The following RNF207 variants were observed in gnomAD, a reference collection of about 807,000 sequenced individuals.
The protein encoded by RNF207 is ring finger protein 207.
Under a neutral mutation model 79.0 loss-of-function variants are expected in RNF207, and 72 were observed. That is an observed-to-expected ratio of 0.91 (90% CI 0.75 to 1.11). The LOEUF (loss-of-function observed/expected upper bound fraction) is 1.11, where lower values mean the gene tolerates loss of function less well. Among genes scored for constraint, RNF207 ranks in the 50% least tolerant of loss-of-function variants. The pLI, the probability that RNF207 is intolerant of heterozygous loss-of-function variation, is 0.00. For synonymous variants in RNF207, 348 were observed against 366.2 expected (o/e 0.95, Z 0.57); for missense variants, 936 against 855.8 (o/e 1.09, Z -1.17).
chr1:6,209,111 G>A lies in RNF207; in HGVS notation c.470-4G>A, dbSNP rs375224038. Reference sequence around the variant, plus strand: ...GCCCTCACCACCGCCCGCCGCCCCCGCAGCGCTGCACGCAGAGCCCTACCT... The same window carrying A: ...GCCCTCACCACCGCCCGCCGCCCCCACAGCGCTGCACGCAGAGCCCTACCT... On this transcript the variant is annotated splice_polypyrimidine_tract_variant and splice_region_variant and intron_variant, in intron 4 of 17. Coordinates refer to ENST00000377939, the MANE Select transcript of RNF207 (RefSeq NM_207396.3). The A allele has an allele frequency of 5.2e-6, 8 of 1,551,790 alleles. No homozygotes were observed. Among genetic ancestry groups the A allele is most frequent in the Middle Eastern group, 1.7e-4 (1 of 5,774 alleles).
At chr1:6,210,843 G>A (rs756938949) in intron 10 of RNF207, 27 bp from the exon 11 acceptor site, 37 of 1,573,826 alleles carry the variant, frequency 2.4e-5, no homozygotes, top group Admixed American at 9.3e-5. Context: ...CACCTCCACC[G>A]GCCTGAGGCC....
chr1:6,209,806 T>C, intron 7 of RNF207, 118 bp from the exon 8 acceptor site: 1 of 1,138,850 alleles, frequency 8.8e-7, no homozygotes, highest in Non-Finnish European at 1.2e-6. Flanking sequence ...GATGCAGGGC[T>C]GGTAGGTTGG....
intron 14 of RNF207, 86 bp downstream of exon 14, chr1:6,212,502 C>T (rs1668218024): frequency 7.3e-7 from 1 of 1,367,260 alleles, no homozygotes; most frequent in African/African-American, 1.4e-5. Context: ...GAAAGAGGAC[C>T]TGGCCTGTAC....
In RNF207 at chr1:6,207,345, G is replaced by T. The variant is rs1667950369; in HGVS notation, c.192-34G>T. 2.0e-6 allele frequency: 3 copies of T among 1,501,676 alleles called. No homozygotes were observed. Among genetic ancestry groups the T allele is most frequent in the Non-Finnish European group, 1.8e-6 (2 of 1,125,834 alleles). 93.0% of individuals were successfully genotyped at this position (1,501,676 alleles called of 1,614,324 possible). ...GGGGGTGGGGAGCCCTGGGGAAGGG[G>T]TATCAGAATCTCGGGGCCTGGGCTT... On this transcript the variant is annotated intron_variant, in intron 2 of 17. Coordinates refer to ENST00000377939, the MANE Select transcript of RNF207 (RefSeq NM_207396.3). The surrounding 1 kb of genome is among the most constrained non-coding windows in gnomAD (Gnocchi z 4.5).
Position 6,221,018 on chromosome 1 carries a change from C to T in RNF207, c.*1611C>T, listed in dbSNP as rs1668532990. 1 of 152,244 alleles carries T rather than the reference C, an allele frequency of 6.6e-6. No homozygotes were observed. Among genetic ancestry groups the T allele is most frequent in the African/African-American group, 2.4e-5 (1 of 41,448 alleles). The allele number at this position is 152,244 out of a possible 1,614,324, so 9.4% of individuals were successfully genotyped here. On this transcript the variant is annotated 3_prime_UTR_variant, in exon 18 of 18. Coordinates refer to ENST00000377939, the MANE Select transcript of RNF207 (RefSeq NM_207396.3). Reference sequence around the variant, plus strand: ...CTGAGGCTCCTGTTCCAAGGCCTTACAAACCTATGTGGTGGCCTGCAGGGC... The same window carrying T: ...CTGAGGCTCCTGTTCCAAGGCCTTATAAACCTATGTGGTGGCCTGCAGGGC...
intron 3 of RNF207, chr1:6,208,002 C>A (rs1417004821): frequency 6.1e-6 from 2 of 328,332 alleles, no homozygotes; most frequent in Non-Finnish European, 1.2e-5. Flanking sequence ...GGGGCAAAAG[C>A]TCCAGCGTTC....
At chr1:6,218,469 C>T in intron 17 of RNF207, 100 bp downstream of exon 17, 1 of 857,768 alleles carries the variant, frequency 1.2e-6, no homozygotes. Context: ...TTGGCGCCAG[C>T]TCTGGGGCCC....
chr1:6,214,626 C>CTTT (rs1553148919), intron 16 of RNF207, among the ~76,000 whole-genome samples: 11 of 95,612 alleles, frequency 1.2e-4, no homozygotes, highest in East Asian at 5.6e-4. Context: ...TGGAATATTT[C>CTTT]TTTCTTTTTT....
intron 4 of RNF207, 41 bp downstream of exon 4, chr1:6,209,066 C>CGGGGGGGGGGGGGGGGGGCCCG: frequency 1.6e-6 from 1 of 644,494 alleles, no homozygotes; most frequent in Non-Finnish European, 2.3e-6. Flanking sequence ...GGGGTGGGGG[C>CGGGGGGGGGGGGGGGGGGCCCG]GGGGCGGGCA....
At chr1:6,210,478 A>G in intron 10 of RNF207, 40 bp downstream of exon 10, 2 of 1,536,790 alleles carry the variant, frequency 1.3e-6, no homozygotes, top group Non-Finnish European at 1.8e-6. Flanking sequence ...CCTCCCCACC[A>G]GGAGCCCACC....
chr1:6,218,349 G>C lies in RNF207; in HGVS notation c.1713G>C (p.Arg571Ser), dbSNP rs1282643261. Reference protein sequence around the residue: ...ESLQNTHDDSRNNAASARNNP... With the variant: ...ESLQNTHDDSSNNAASARNNP... ...TACAGAACACGCACGACGACAGCAG[G>C]AACAACGCGGCCTCAGCCAGGTAAA... is the stretch of plus-strand genomic sequence containing the variant. The change falls in exon 17 of 18, where the codon AGG becomes AGC. Residue 571 changes from arginine (R) to serine (S), a missense_variant. Arg to Ser is a moderately radical substitution (Grantham distance 110). Transcript: ENST00000377939. 1.9e-6 allele frequency: 3 copies of C among 1,613,778 alleles called. No homozygotes were observed. The highest frequency in any genetic ancestry group is 4.5e-5 in the East Asian group (2 of 44,878).
intron 16 of RNF207, 126 bp downstream of exon 16, chr1:6,213,309 T>A: frequency 1.7e-6 from 1 of 576,688 alleles, no homozygotes; most frequent in Non-Finnish European, 3.1e-6. Context: ...TAACCTGAGG[T>A]CAGCAGTTCG....
At chr1:6,215,331 C>CCT (rs1557592432) in intron 16 of RNF207, among the ~76,000 whole-genome samples, 8 of 138,810 alleles carry the variant, frequency 5.8e-5, no homozygotes, top group South Asian at 2.3e-4. Flanking sequence ...CCCGGCCCCC[C>CCT]TTTTTTTTTT....
chr1:6,208,779 G>C, intron 3 of RNF207, 102 bp from the exon 4 acceptor site: 1 of 1,270,042 alleles, frequency 7.9e-7, no homozygotes, highest in Non-Finnish European at 1.1e-6. Flanking sequence ...TGCGCACCCG[G>C]CCACGGCTGG....
rs1668160406 is a variant in RNF207 at position 6,211,340 on chromosome 1, A to C, written c.1109+222A>C. 6.6e-6 allele frequency among the ~76,000 whole-genome samples: 1 copy of C among 152,192 alleles called. No homozygotes were observed. The highest frequency in any genetic ancestry group is 1.5e-5 in the Non-Finnish European group (1 of 68,030). ...AAGCCCTGGACCTGAAGTCCATGGCAGACCGGGCTCGGAGCTTGGCTAAAG... is the reference window on the plus strand; with the variant it reads ...AAGCCCTGGACCTGAAGTCCATGGCCGACCGGGCTCGGAGCTTGGCTAAAG... On this transcript the variant is annotated intron_variant, in intron 12 of 17. Coordinates refer to ENST00000377939, the MANE Select transcript of RNF207 (RefSeq NM_207396.3). This position sits in a 1 kb window ranked among gnomAD's most constrained non-coding sequence, Gnocchi z 4.2.
chr1:6,214,885 T>C (rs2100942254), intron 16 of RNF207, among the ~76,000 whole-genome samples: 1 of 152,032 alleles, frequency 6.6e-6, no homozygotes, highest in Middle Eastern at 3.4e-3. Flanking sequence ...TCTACCCGCC[T>C]CGCCCTCCCA....
chr1:6,207,602 G>A lies in RNF207; in HGVS notation c.324+91G>A. On this transcript the variant is annotated intron_variant, in intron 3 of 17. Transcript: ENST00000377939. The surrounding 1 kb of genome is among the most constrained non-coding windows in gnomAD (Gnocchi z 4.5). The stretch of plus-strand genomic sequence containing the variant: ...CACATGCACTCAGCATGTCTTCAGA[G>A]GACGACCTGGCAGTGGATTCTCCAG... 1 of 1,411,674 alleles carries A rather than the reference G, an allele frequency of 7.1e-7. No individual in the cohort carries two copies. Among genetic ancestry groups the A allele is most frequent in the Non-Finnish European group, 9.7e-7 (1 of 1,031,000 alleles). 87.4% of individuals were successfully genotyped at this position (1,411,674 alleles called of 1,614,324 possible). A position where few individuals can be genotyped will look rare whatever the true frequency, so the allele number is the denominator to read the frequency against.
Position 6,207,778 on chromosome 1 carries a change from G to A in RNF207, c.324+267G>A, listed in dbSNP as rs1217378602. The A allele has an allele frequency of 3.1e-6, 2 of 648,702 alleles. No individual in the cohort carries two copies. 40.2% of individuals were successfully genotyped at this position (648,702 alleles called of 1,614,324 possible). ...GGAGAGCTCACTGGTCCCCAATTCA[G>A]GGTGGAGTTGTGGACCTGCACAGGA... On this transcript the variant is annotated intron_variant, in intron 3 of 17. Transcript: ENST00000377939. This position sits in a 1 kb window ranked among gnomAD's most constrained non-coding sequence, Gnocchi z 4.5.
At position 6,209,480 on chromosome 1, in the gene RNF207, G is replaced by T. The variant is rs1251384510; in HGVS notation, c.694G>T (p.Val232Leu). 2.0e-6 allele frequency: 3 copies of T among 1,492,026 alleles called. No homozygotes were observed. Among genetic ancestry groups the T allele is most frequent in the Non-Finnish European group, 1.8e-6 (2 of 1,128,736 alleles). The allele number at this position is 1,492,026 out of a possible 1,614,324, so 92.4% of individuals were successfully genotyped here. ...IALLQAMVEE[V>L]RHSAAEEEDA... Reference sequence around the variant, plus strand: ...GCTGCTGCAGGCCATGGTGGAGGAGGTGCGGCACAGCGCCGCCGAGGAGGA... The same window carrying T: ...GCTGCTGCAGGCCATGGTGGAGGAGTTGCGGCACAGCGCCGCCGAGGAGGA... The change falls in exon 7 of 18, where the codon GTG (valine) becomes TTG (leucine). Residue 232 changes from valine (V) to leucine (L), a missense_variant. Val to Leu is a conservative substitution (Grantham distance 32). Transcript: ENST00000377939.
Sources: allele counts gnomAD v4.1 joint callset (sites outside exome capture counted in the v4.1 genomes callset), GRCh38; gene constraint gnomAD v4.1.1; non-coding constraint Gnocchi (gnomAD v3.1); transcripts MANE v1.5; gene names NCBI Gene and HGNC (gene_info 2026-07-23, HGNC 2026-07-21).